Variants in LAPTM5 observed in about 807,000 individuals in gnomAD.
LAPTM5 encodes lysosomal-associated transmembrane protein 5.
In LAPTM5, 11 loss-of-function variants were observed where a neutral mutation model predicts 30.1. The observed-to-expected ratio is 0.37, with a 90% CI of 0.23 to 0.60. LAPTM5 has a LOEUF of 0.60. LAPTM5 is among the 20% of genes least tolerant of loss of function. The probability of loss-of-function intolerance (pLI) is 0.71; values close to 1 mark genes in which losing one functional copy is unlikely to be tolerated. For synonymous variants in LAPTM5, 151 were observed against 137.9 expected (o/e 1.10, Z -0.67); for missense variants, 324 against 332.5 (o/e 0.97, Z 0.20).
Position 30,746,097 on chromosome 1 carries a change from C to G in LAPTM5, c.88-3548G>C, listed in dbSNP as rs1232765046. ...CCACTCAGAGCTCAGGAGACAAGAG[C>G]TGGGGAGCAGGAGGCCTCCTCCACT... On this transcript the variant is annotated intron_variant, in intron 1 of 7. Transcript: ENST00000294507. This position sits in a 1 kb window ranked among gnomAD's most constrained non-coding sequence, Gnocchi z 4.0. 1.3e-5 allele frequency: 2 copies of G among 152,346 alleles called. No individual in the cohort carries two copies. The highest frequency in any genetic ancestry group is 2.9e-5 in the Non-Finnish European group (2 of 68,142). The allele number at this position is 152,346 out of a possible 1,614,324, so 9.4% of individuals were successfully genotyped here.
At chr1:30,736,845 G>A (rs1639891388) in intron 6 of LAPTM5, among the ~76,000 whole-genome samples, 1 of 152,124 alleles carries the variant, frequency 6.6e-6, no homozygotes, top group Non-Finnish European at 1.5e-5. Context: ...TGTGGCTTCA[G>A]GCCACAGGCC....
At chr1:30,742,018 G>C (rs552735758) in intron 2 of LAPTM5, 1 of 359,454 alleles carries the variant, frequency 2.8e-6, no homozygotes, top group Non-Finnish European at 5.2e-6. Context: ...ATGAGGAATC[G>C]GCCTGAGACA....
At chr1:30,750,084 T>C (rs1640110726) in intron 1 of LAPTM5, among the ~76,000 whole-genome samples, 1 of 152,162 alleles carries the variant, frequency 6.6e-6, no homozygotes, top group Non-Finnish European at 1.5e-5. Flanking sequence ...AGCAGCTAAC[T>C]TTGCCCCAAA....
At chr1:30,738,841 A>G (rs1006032351) in intron 5 of LAPTM5, 99 bp downstream of exon 5, 12 of 1,328,060 alleles carry the variant, frequency 9.0e-6, no homozygotes, top group African/African-American at 3.0e-5. Flanking sequence ...CTCCAACTCC[A>G]GGGAACCTGG....
chr1:30,742,150 T>C (rs908384283), intron 2 of LAPTM5: 4 of 455,980 alleles, frequency 8.8e-6, no homozygotes, highest in African/African-American at 5.9e-5. Context: ...CATTTTATTC[T>C]AGTGTGATGA....
rs1370135908 is a variant in LAPTM5 at position 30,739,668 on chromosome 1, G to C, written c.387+141C>G. 1.0e-6 allele frequency: 1 copy of C among 966,008 alleles called. No individual in the cohort carries two copies. The highest frequency in any genetic ancestry group is 1.5e-6 in the Non-Finnish European group (1 of 688,562). 59.8% of individuals were successfully genotyped at this position (966,008 alleles called of 1,614,324 possible). ...ACTTGGGGCAATGTGGAGGGACTCA[G>C]AGACTGGGTCAAGACACCAGCCAGG... On this transcript the variant is annotated intron_variant, in intron 4 of 7. Transcript: ENST00000294507. The surrounding 1 kb of genome is among the most constrained non-coding windows in gnomAD (Gnocchi z 4.2).
chr1:30,753,204 T>G (rs1389211205), intron 1 of LAPTM5, among the ~76,000 whole-genome samples: 1 of 152,166 alleles, frequency 6.6e-6, no homozygotes, highest in Non-Finnish European at 1.5e-5. Context: ...ATAAATCATT[T>G]ATTTATATAA....
intron 1 of LAPTM5, among the ~76,000 whole-genome samples, chr1:30,755,122 A>G (rs1262662027): frequency 6.6e-6 from 1 of 152,096 alleles, no homozygotes; most frequent in East Asian, 1.9e-4. Flanking sequence ...AGCTTCCAGG[A>G]CACCCCTCTG....
At chr1:30,755,817 C>T (rs2124204084) in intron 1 of LAPTM5, among the ~76,000 whole-genome samples, 1 of 152,346 alleles carries the variant, frequency 6.6e-6, no homozygotes, top group South Asian at 2.1e-4. Context: ...GACACAAAAG[C>T]CTGCTCCCTA....
intron 1 of LAPTM5, among the ~76,000 whole-genome samples, chr1:30,749,326 G>C (rs966384998): frequency 1.3e-5 from 2 of 152,224 alleles, no homozygotes. Flanking sequence ...GCAGAAGTCA[G>C]TGGGGGCGGG....
rs1320062038 is a variant in LAPTM5, at chr1:30,733,490, T to C, written c.*338A>G. The C allele has an allele frequency of 1.5e-6, 2 of 1,370,024 alleles. No homozygotes were observed. The highest frequency in any genetic ancestry group is 1.2e-5 in the South Asian group (1 of 80,210). 84.9% of individuals were successfully genotyped at this position (1,370,024 alleles called of 1,614,324 possible). A position where few individuals can be genotyped will look rare whatever the true frequency, so the allele number is the denominator to read the frequency against. On this transcript the variant is annotated 3_prime_UTR_variant, in exon 8 of 8. Coordinates refer to ENST00000294507, the MANE Select transcript of LAPTM5 (RefSeq NM_006762.3). ...AGTGGGTTTTTGATTTGTCAGTTGC[T>C]TGGCTGAACTGATCAAGTCGATAGT...
chr1:30,757,593 G>A (rs1640229742), intron 1 of LAPTM5, 66 bp downstream of exon 1: 2 of 1,516,470 alleles, frequency 1.3e-6, no homozygotes, highest in Admixed American at 1.9e-5. Context: ...GTAGATGACG[G>A]GTCACCGCAG....
In LAPTM5 at chr1:30,733,703, A is replaced by C; in HGVS notation, c.*125T>G. 1 of 1,533,944 alleles carries C rather than the reference A, an allele frequency of 6.5e-7. No individual in the cohort carries two copies. Among genetic ancestry groups the C allele is most frequent in the Non-Finnish European group, 8.7e-7 (1 of 1,145,520 alleles). ...AGGAGCAGGCCAGCGAGGGAGACAC[A>C]AGCAGATTGTCCTGCCAGGGAGGGG... On this transcript the variant is annotated 3_prime_UTR_variant, in exon 8 of 8. Transcript: ENST00000294507.
intron 3 of LAPTM5, 131 bp from the exon 4 acceptor site, chr1:30,740,068 C>T: frequency 9.8e-7 from 1 of 1,025,288 alleles, no homozygotes; most frequent in Admixed American, 3.7e-5. Context: ...GTTGAGGTCA[C>T]CTCCCTCTGA....
At chr1:30,745,106 A>T (rs1640023626) in intron 1 of LAPTM5, among the ~76,000 whole-genome samples, 1 of 152,110 alleles carries the variant, frequency 6.6e-6, no homozygotes, top group African/African-American at 2.4e-5. Flanking sequence ...ACTGCCCTGT[A>T]ACCCCTCCAA....
chr1:30,742,684 G>A, intron 1 of LAPTM5, 135 bp from the exon 2 acceptor site: 3 of 676,554 alleles, frequency 4.4e-6, no homozygotes, highest in Non-Finnish European at 5.3e-6. Flanking sequence ...GGTCAGTAGG[G>A]CATCTCAGAC....
Position 30,757,647 on chromosome 1 carries a change from C to A in LAPTM5, c.87+12G>T. The A allele has an allele frequency of 6.2e-7, 1 of 1,612,528 alleles. No individual in the cohort carries two copies. Among genetic ancestry groups the A allele is most frequent in the Non-Finnish European group, 8.5e-7 (1 of 1,179,678 alleles). Reference sequence around the variant, plus strand: ...GCACGCACGCACACACACCCGGGGCCCGCACACTCACCACATGGTAGATGG... The same window carrying A: ...GCACGCACGCACACACACCCGGGGCACGCACACTCACCACATGGTAGATGG... On this transcript the variant is annotated intron_variant, in intron 1 of 7. Coordinates refer to ENST00000294507, the MANE Select transcript of LAPTM5 (RefSeq NM_006762.3).
At chr1:30,744,284 C>G (rs781074378) in intron 1 of LAPTM5, among the ~76,000 whole-genome samples, 1 of 152,034 alleles carries the variant, frequency 6.6e-6, no homozygotes, top group Admixed American at 6.6e-5. Flanking sequence ...AGGAAACAGC[C>G]CTGAGAGAAA....
Position 30,757,740 on chromosome 1 carries a change from G to A in LAPTM5, c.6C>T (p.Asp2=), listed in dbSNP as rs1263980903. The A allele has an allele frequency of 1.1e-5, 17 of 1,613,500 alleles. No homozygotes were observed. The highest frequency in any genetic ancestry group is 1.4e-5 in the Non-Finnish European group (16 of 1,179,882). The change falls in exon 1 of 8, where the codon GAC becomes GAT. Residue 2 remains aspartate, a synonymous_variant. Coordinates refer to ENST00000294507, the MANE Select transcript of LAPTM5 (RefSeq NM_006762.3). ...TCTGGCGGACAGTGGACAAGCGGGGGTCCATGGTGCTGCCGTCCCCTCCTC... is the reference window on the plus strand; with the variant it reads ...TCTGGCGGACAGTGGACAAGCGGGGATCCATGGTGCTGCCGTCCCCTCCTC... The part of the protein sequence containing the change: M[D]PRLSTVRQTC...
Sources: allele counts gnomAD v4.1 joint callset (sites outside exome capture counted in the v4.1 genomes callset), GRCh38; gene constraint gnomAD v4.1.1; non-coding constraint Gnocchi (gnomAD v3.1); transcripts MANE v1.5; gene names NCBI Gene and HGNC (gene_info 2026-07-23, HGNC 2026-07-21).